CDH2: variants seen among roughly 807,000 people sequenced by gnomAD.
The protein encoded by CDH2 is cadherin-2.
In CDH2, 17 loss-of-function variants were observed where a neutral mutation model predicts 92.0. That is an observed-to-expected ratio of 0.18 (90% CI 0.13 to 0.28). CDH2 has a LOEUF of 0.28. Among genes scored for constraint, CDH2 ranks in the 10% least tolerant of loss-of-function variants. The pLI is 1.00. For synonymous variants in CDH2, 419 were observed against 415.9 expected (o/e 1.01, Z -0.09); for missense variants, 862 against 1,133.1 (o/e 0.76, Z 3.44).
intron 7 of CDH2, among the ~76,000 whole-genome samples, chr18:27,994,344 A>G (rs2012516325): frequency 6.6e-6 from 1 of 152,220 alleles, no homozygotes; most frequent in South Asian, 2.1e-4. Context: ...CAGACCTACA[A>G]TGGATATAAA....
intron 2 of CDH2, among the ~76,000 whole-genome samples, chr18:28,125,175 T>C (rs2155765): frequency 0.045 from 6,880 of 152,254 alleles, 182 homozygotes; most frequent in South Asian, 0.083. Flanking sequence ...CCTCAACTTC[T>C]GGTGGGAATA....
chr18:28,117,811 A>G (rs2015520204), intron 2 of CDH2, among the ~76,000 whole-genome samples: 1 of 152,092 alleles, frequency 6.6e-6, no homozygotes, highest in Admixed American at 6.6e-5. Context: ...ACACCAGGTA[A>G]GTTTATAATG....
chr18:28,169,783 A>T (rs2016437542), intron 1 of CDH2, among the ~76,000 whole-genome samples: 2 of 152,206 alleles, frequency 1.3e-5, no homozygotes, highest in South Asian at 4.1e-4. Context: ...TAAATAGCTC[A>T]AGCTGCTTTA....
At chr18:28,022,647 C>G (rs966999999) in intron 2 of CDH2, among the ~76,000 whole-genome samples, 1 of 152,034 alleles carries the variant, frequency 6.6e-6, no homozygotes, top group African/African-American at 2.4e-5. Context: ...CCTTTACTTA[C>G]AAAGACAAAT....
chr18:28,175,875 AC>A (rs1470300256), intron 1 of CDH2, among the ~76,000 whole-genome samples: 1 of 152,124 alleles, frequency 6.6e-6, no homozygotes. Context: ...GAGGGACCCC[AC>A]GGCAGGCGGA....
At chr18:28,151,272 A>C (rs2016116839) in intron 1 of CDH2, among the ~76,000 whole-genome samples, 2 of 152,208 alleles carry the variant, frequency 1.3e-5, no homozygotes, top group African/African-American at 4.8e-5. Flanking sequence ...TCCCCAGGGG[A>C]CATCTATCAA....
chr18:27,990,391 G>C, intron 9 of CDH2, 41 bp from the exon 10 acceptor site: 2 of 1,576,726 alleles, frequency 1.3e-6, no homozygotes, highest in Non-Finnish European at 1.7e-6. Context: ...CAGGAAATAA[G>C]AATGCTTGCA....
intron 2 of CDH2, among the ~76,000 whole-genome samples, chr18:28,086,370 G>A (rs919366221): frequency 2.0e-5 from 3 of 151,442 alleles, no homozygotes; most frequent in Non-Finnish European, 4.4e-5. Flanking sequence ...TAAATCTCTC[G>A]GTCAAACTTT....
At chr18:28,001,619 A>T (rs2012769375) in intron 7 of CDH2, among the ~76,000 whole-genome samples, 1 of 152,226 alleles carries the variant, frequency 6.6e-6, no homozygotes, top group Non-Finnish European at 1.5e-5. Context: ...GTACTACTTA[A>T]GAAACTAAAC....
intron 2 of CDH2, among the ~76,000 whole-genome samples, chr18:28,043,457 AATAAATAT>A (rs1159940795): frequency 3.5e-5 from 2 of 57,082 alleles, no homozygotes; most frequent in African/African-American, 7.9e-5. Flanking sequence ...TACTGATATA[AATAAATAT>A]ATATATATAT....
At chr18:28,054,122 G>C (rs1333796800) in intron 2 of CDH2, among the ~76,000 whole-genome samples, 1 of 152,168 alleles carries the variant, frequency 6.6e-6, no homozygotes, top group Non-Finnish European at 1.5e-5. Context: ...GTCTGAGTCA[G>C]ATTAAAAGTG....
At chr18:28,025,846 AAT>A (rs1332557486) in intron 2 of CDH2, among the ~76,000 whole-genome samples, 2 of 152,124 alleles carry the variant, frequency 1.3e-5, no homozygotes, top group Non-Finnish European at 2.9e-5. Flanking sequence ...TATCCCTTCA[AAT>A]ATTATTTTAA....
chr18:27,988,476 A>G, intron 11 of CDH2, 48 bp downstream of exon 11: 2 of 1,539,432 alleles, frequency 1.3e-6, no homozygotes, highest in Non-Finnish European at 1.8e-6. Context: ...ATGCATGATG[A>G]GGATCTACTG....
intron 2 of CDH2, among the ~76,000 whole-genome samples, chr18:28,090,932 T>C (rs1405084535): frequency 6.6e-6 from 1 of 152,194 alleles, no homozygotes; most frequent in Non-Finnish European, 1.5e-5. Flanking sequence ...TAAATTTCTA[T>C]ATCCAATAGT....
chr18:28,029,987 G>A (rs1290895333), intron 2 of CDH2, among the ~76,000 whole-genome samples: 3 of 152,070 alleles, frequency 2.0e-5, no homozygotes, highest in South Asian at 2.1e-4. Context: ...TCCTGTGCAC[G>A]TATTATTTGC....
chr18:28,069,725 A>G (rs184097519), intron 2 of CDH2, among the ~76,000 whole-genome samples: 2 of 152,282 alleles, frequency 1.3e-5, no homozygotes, highest in East Asian at 3.9e-4. Flanking sequence ...TGCGGGACAC[A>G]TTAAGGCATC....
intron 2 of CDH2, among the ~76,000 whole-genome samples, chr18:28,132,997 C>A (rs1270544253): frequency 6.6e-6 from 1 of 152,128 alleles, no homozygotes; most frequent in African/African-American, 2.4e-5. Flanking sequence ...CATGTCAAAC[C>A]AATCTCACAC....
In CDH2 at chr18:28,009,272, G is replaced by A. The variant is rs538351452; in HGVS notation, c.702+445C>T. Among the ~76,000 whole-genome samples, 3 of 152,194 alleles carry A rather than the reference G, an allele frequency of 2.0e-5. No homozygotes were observed. In the East Asian group the frequency reaches 5.8e-4, roughly 29 times the overall value. The stretch of plus-strand genomic sequence containing the variant: ...ACTAACATTCCTAATTAGACAAAAG[G>A]TTCTTAGCAATAAGAAATCCCAAAG... On this transcript the variant is annotated intron_variant, in intron 5 of 15. Transcript: ENST00000269141.
intron 15 of CDH2, among the ~76,000 whole-genome samples, chr18:27,953,862 T>C (rs1403376587): frequency 6.6e-6 from 1 of 152,178 alleles, no homozygotes; most frequent in Admixed American, 6.5e-5. Context: ...GAATATTAGT[T>C]AGTATTTTTA....
Sources: allele counts gnomAD v4.1 joint callset (sites outside exome capture counted in the v4.1 genomes callset), GRCh38; gene constraint gnomAD v4.1.1; transcripts MANE v1.5; gene names NCBI Gene and HGNC (gene_info 2026-07-23, HGNC 2026-07-21).